The following SFRP2 variants were observed in gnomAD, a reference collection of about 807,000 sequenced individuals.
SFRP2 encodes the protein secreted frizzled-related protein 2.
SFRP2 carries 16 observed loss-of-function variants against 26.0 expected under a neutral mutation model. That is an observed-to-expected ratio of 0.61 (90% CI 0.42 to 0.93). The LOEUF (loss-of-function observed/expected upper bound fraction) is 0.93. Among genes scored for constraint, SFRP2 ranks in the 40% least tolerant of loss-of-function variants. The pLI is 0.00. For missense variants in SFRP2, 343 were observed against 392.4 expected, an observed-to-expected ratio of 0.87 and a Z score of 1.06; for synonymous variants, 173 against 167.3, an observed-to-expected ratio of 1.03 and a Z score of -0.26.
rs1741262656 is a variant in SFRP2 at position 153,788,784 on chromosome 4, A to T, written c.52T>A (p.Cys18Ser). The change falls in exon 1 of 3, where the codon TGC becomes AGC. Residue 18 changes from cysteine (C) to serine (S), a missense_variant. By Grantham distance (112) the Cys-to-Ser change is moderately radical (BLOSUM62 -1). Transcript: ENST00000274063. ...AAGAGCCCGCGCGCCGAGCCCAGGC[A>T]GCAGTGCGAGGCGAGGAAGAGCAGC... Reference protein sequence around the residue: ...LLLLFLASHCCLGSARGLFLF... With the variant: ...LLLLFLASHCSLGSARGLFLF... 2 of 1,608,868 alleles carry T rather than the reference A, an allele frequency of 1.2e-6. No homozygotes were observed. Among genetic ancestry groups the T allele is most frequent in the South Asian group, 1.1e-5 (1 of 91,038 alleles).
chr4:153,781,553 C>G lies in SFRP2; in HGVS notation c.786G>C (p.Gln262His). 1 of 1,614,234 alleles carries G rather than the reference C, an allele frequency of 6.2e-7. No homozygotes were observed. Among genetic ancestry groups the G allele is most frequent in the Non-Finnish European group, 8.5e-7 (1 of 1,180,038 alleles). ...TGATCACCAGCTCCCCACCCTGTTTCTGTCCCATGACCAGATAGGGCGCGT... is the reference window on the plus strand; with the variant it reads ...TGATCACCAGCTCCCCACCCTGTTTGTGTCCCATGACCAGATAGGGCGCGT... The part of the protein sequence containing the change: ...DINAPYLVMG[Q>H]KQGGELVITS... The change falls in exon 3 of 3, where the codon CAG becomes CAC. Residue 262 changes from glutamine to histidine, a missense_variant. Around this residue, in one of 2 missense-constraint regions of SFRP2, gnomAD observed 92 missense variants for 139.0 expected, o/e 0.66. Transcript: ENST00000274063.
In SFRP2 at chr4:153,789,067, T is replaced by A. The variant is rs576360555; in HGVS notation, c.-232A>T. 1.8e-5 allele frequency: 9 copies of A among 497,978 alleles called. No individual in the cohort carries two copies. The East Asian group carries it at 3.1e-4, about 17-fold the overall frequency. The allele number at this position is 497,978 out of a possible 1,614,324, so 30.8% of individuals were successfully genotyped here. On this transcript the variant is annotated 5_prime_UTR_variant, in exon 1 of 3. Coordinates refer to ENST00000274063, the MANE Select transcript of SFRP2 (RefSeq NM_003013.3). ...GGGGCTCCGACCCGGGGGAGCAGAA[T>A]GAGCCGTTGCTGGGGCACAGCCAGA...
At position 153,788,769 on chromosome 4, in the gene SFRP2, G is replaced by A. The variant is rs747851787; in HGVS notation, c.67C>T (p.Arg23Cys). Residue 23 changes from arginine (R) to cysteine (C), a missense_variant, in exon 1 of 3, where the codon CGC becomes TGC. Around this residue, in one of 2 missense-constraint regions of SFRP2, gnomAD observed 251 missense variants for 253.3 expected, o/e 0.99. Coordinates refer to ENST00000274063, the MANE Select transcript of SFRP2 (RefSeq NM_003013.3). Reference protein sequence around the residue: ...LASHCCLGSARGLFLFGQPDF... With the variant: ...LASHCCLGSACGLFLFGQPDF... ...GGCTGGCCAAAGAGGAAGAGCCCGCGCGCCGAGCCCAGGCAGCAGTGCGAG... is the reference window on the plus strand; with the variant it reads ...GGCTGGCCAAAGAGGAAGAGCCCGCACGCCGAGCCCAGGCAGCAGTGCGAG... 1.2e-6 allele frequency: 2 copies of A among 1,611,160 alleles called. No homozygotes were observed. The highest frequency in any genetic ancestry group is 1.7e-6 in the Non-Finnish European group (2 of 1,179,958).
intron 2 of SFRP2, among the ~76,000 whole-genome samples, chr4:153,784,558 C>A (rs543625090): frequency 3.2e-4 from 49 of 152,304 alleles, no homozygotes; most frequent in African/African-American, 8.9e-4. Flanking sequence ...AAACCCAGGA[C>A]ACTTTCTGGA....
rs758949251 is a variant in SFRP2 at position 153,788,417 on chromosome 4, A to G, written c.419T>C (p.Leu140Pro). ...SAFGFPWPDM[L>P]ECDRFPQDND... Reference sequence around the variant, plus strand: ...GTCCTGGGGGAAACGGTCGCACTCAAGCATGTCGGGCCAGGGGAAGCCGAA... The same window carrying G: ...GTCCTGGGGGAAACGGTCGCACTCAGGCATGTCGGGCCAGGGGAAGCCGAA... The change falls in exon 1 of 3, where the codon CTT becomes CCT. Residue 140 changes from leucine to proline, a missense_variant. Transcript: ENST00000274063. 1.9e-6 allele frequency: 3 copies of G among 1,614,118 alleles called. No homozygotes were observed. Among genetic ancestry groups the G allele is most frequent in the Non-Finnish European group, 2.5e-6 (3 of 1,180,044 alleles).
intron 1 of SFRP2, 121 bp downstream of exon 1, chr4:153,788,213 C>T: frequency 2.5e-6 from 3 of 1,219,720 alleles, no homozygotes; most frequent in Non-Finnish European, 3.4e-6. Flanking sequence ...TCAGGCAGAA[C>T]TTCTGCCCTT....
rs369450385 is a variant in SFRP2 at position 153,785,554 on chromosome 4, C to CAAAAAAAAAAAAAA, written c.583+296_583+309dup. Among the ~76,000 whole-genome samples, 4 of 46,468 alleles carry CAAAAAAAAAAAAAA rather than the reference C, an allele frequency of 8.6e-5. 1 individual carries two copies. The highest frequency in any genetic ancestry group is 1.2e-4 in the Non-Finnish European group (3 of 25,868). The allele number at this position is 46,468 out of a possible 152,430, so 30.5% of individuals were successfully genotyped here. A position where few individuals can be genotyped will look rare whatever the true frequency, so the allele number is the denominator to read the frequency against. The stretch of plus-strand genomic sequence containing the variant: ...TAGAACTCGGGATTATGCCTGTCGG[C>CAAAAAAAAAAAAAA]AAAAAAAAAAAAAAAAAAAAAGGGA... On this transcript the variant is annotated intron_variant, in intron 2 of 2. Transcript: ENST00000274063.
At chr4:153,787,970 C>T (rs1463506533) in intron 1 of SFRP2, among the ~76,000 whole-genome samples, 12 of 152,256 alleles carry the variant, frequency 7.9e-5, no homozygotes, top group Admixed American at 1.3e-4. Flanking sequence ...CCACTTCCAA[C>T]GCTCTGCGCA....
intron 2 of SFRP2, among the ~76,000 whole-genome samples, chr4:153,785,278 T>A (rs1384181843): frequency 6.6e-6 from 1 of 152,134 alleles, no homozygotes; most frequent in African/African-American, 2.4e-5. Flanking sequence ...TTGTTAGGTG[T>A]TCCATGTTAG....
At position 153,781,514 on chromosome 4, in the gene SFRP2, C is replaced by T; in HGVS notation, c.825G>A (p.Arg275=). The T allele has an allele frequency of 6.2e-7, 1 of 1,614,172 alleles. No individual in the cohort carries two copies. Among genetic ancestry groups the T allele is most frequent in the Non-Finnish European group, 8.5e-7 (1 of 1,180,046 alleles). Residue 275 remains arginine, a synonymous_variant, in exon 3 of 3, where the codon CGG becomes CGA. Coordinates refer to ENST00000274063, the MANE Select transcript of SFRP2 (RefSeq NM_003013.3). ...TGAACTCTCTCTGCCCCTTCTGCCACCGCTTCACCGAGGTGATCACCAGCT... is the reference window on the plus strand; with the variant it reads ...TGAACTCTCTCTGCCCCTTCTGCCATCGCTTCACCGAGGTGATCACCAGCT... ...GGELVITSVK[R]WQKGQREFKR... is the part of the protein sequence containing the mutation.
At position 153,781,320 on chromosome 4, in the gene SFRP2, C is replaced by T; in HGVS notation, c.*131G>A. ...GCTGGGGATGCAAACGTGCAAAAGGCAGGGGGAAGCTGCCCAGGCTGAGAC... is the reference window on the plus strand; with the variant it reads ...GCTGGGGATGCAAACGTGCAAAAGGTAGGGGGAAGCTGCCCAGGCTGAGAC... On this transcript the variant is annotated 3_prime_UTR_variant, in exon 3 of 3. Transcript: ENST00000274063. 2.6e-6 allele frequency: 2 copies of T among 775,506 alleles called. No homozygotes were observed. Among genetic ancestry groups the T allele is most frequent in the Non-Finnish European group, 4.1e-6 (2 of 484,434 alleles). The allele number at this position is 775,506 out of a possible 1,614,324, so 48.0% of individuals were successfully genotyped here.
At chr4:153,787,055 T>C (rs1442098653) in intron 1 of SFRP2, among the ~76,000 whole-genome samples, 1 of 152,196 alleles carries the variant, frequency 6.6e-6, no homozygotes, top group Non-Finnish European at 1.5e-5. Context: ...ACATAAACTT[T>C]TATTTTGAAG....
In SFRP2 at chr4:153,781,408, C is replaced by A; in HGVS notation, c.*43G>T. Reference sequence around the variant, plus strand: ...AGATCCCGGAGCAGAAATGGTCAGCCGTGCTCTGGAGCAGGCCTGTCGGAG... The same window carrying A: ...AGATCCCGGAGCAGAAATGGTCAGCAGTGCTCTGGAGCAGGCCTGTCGGAG... On this transcript the variant is annotated 3_prime_UTR_variant, in exon 3 of 3. Coordinates refer to ENST00000274063, the MANE Select transcript of SFRP2 (RefSeq NM_003013.3). 2 of 1,560,820 alleles carry A rather than the reference C, an allele frequency of 1.3e-6. No homozygotes were observed. Among genetic ancestry groups the A allele is most frequent in the Middle Eastern group, 1.9e-4 (1 of 5,186 alleles).
chr4:153,788,464 G>T lies in SFRP2; in HGVS notation c.372C>A (p.Arg124=), dbSNP rs199574740. ...CGAAGGCGGACATGACCGGGGCGCA[G>T]CGGTCCTTCACCTGCACGCAGAGCG... The part of the protein sequence containing the change: ...CHSLCVQVKD[R]CAPVMSAFGF... Residue 124 remains arginine, a synonymous_variant, in exon 1 of 3, where the codon CGC becomes CGA. Coordinates refer to ENST00000274063, the MANE Select transcript of SFRP2 (RefSeq NM_003013.3). The T allele has an allele frequency of 2.4e-4, 390 of 1,614,110 alleles. No homozygotes were observed. Among genetic ancestry groups the T allele is most frequent in the Non-Finnish European group, 3.0e-4 (350 of 1,180,052 alleles).
Position 153,781,313 on chromosome 4 carries a change from C to T in SFRP2, c.*138G>A, listed in dbSNP as rs988648058. ...AGGAAATGCTGGGGATGCAAACGTGCAAAAGGCAGGGGGAAGCTGCCCAGG... is the reference window on the plus strand; with the variant it reads ...AGGAAATGCTGGGGATGCAAACGTGTAAAAGGCAGGGGGAAGCTGCCCAGG... On this transcript the variant is annotated 3_prime_UTR_variant, in exon 3 of 3. Coordinates refer to ENST00000274063, the MANE Select transcript of SFRP2 (RefSeq NM_003013.3). 3 of 735,478 alleles carry T rather than the reference C, an allele frequency of 4.1e-6. No homozygotes were observed. Among genetic ancestry groups the T allele is most frequent in the East Asian group, 5.3e-5 (2 of 37,450 alleles). 45.6% of individuals were successfully genotyped at this position (735,478 alleles called of 1,614,324 possible). A position where few individuals can be genotyped will look rare whatever the true frequency, so the allele number is the denominator to read the frequency against.
rs376028620 is a variant in SFRP2 at position 153,781,408 on chromosome 4, C to T, written c.*43G>A. 18 of 1,560,818 alleles carry T rather than the reference C, an allele frequency of 1.2e-5. No individual in the cohort carries two copies. Among genetic ancestry groups the T allele is most frequent in the Non-Finnish European group, 1.6e-5 (18 of 1,147,194 alleles). ...AGATCCCGGAGCAGAAATGGTCAGC[C>T]GTGCTCTGGAGCAGGCCTGTCGGAG... On this transcript the variant is annotated 3_prime_UTR_variant, in exon 3 of 3. Coordinates refer to ENST00000274063, the MANE Select transcript of SFRP2 (RefSeq NM_003013.3).
At chr4:153,781,897 G>C in intron 2 of SFRP2, 142 bp from the exon 3 acceptor site, 1 of 719,396 alleles carries the variant, frequency 1.4e-6, no homozygotes, top group East Asian at 2.6e-5. Flanking sequence ...AGAGGCTGCA[G>C]ATCGGGGGTT....
In SFRP2 at chr4:153,789,019, T is replaced by G; in HGVS notation, c.-184A>C. 6.9e-5 allele frequency: 37 copies of G among 538,188 alleles called. No individual in the cohort carries two copies. Among genetic ancestry groups the G allele is most frequent in the Non-Finnish European group, 5.6e-5 (19 of 339,318 alleles). 33.3% of individuals were successfully genotyped at this position (538,188 alleles called of 1,614,324 possible). ...CGGGAGGACAGCGCGGGCGAGGCGC[T>G]GCAAGCCCGCGCGCAGCTCCGGGGG... On this transcript the variant is annotated 5_prime_UTR_variant, in exon 1 of 3. Coordinates refer to ENST00000274063, the MANE Select transcript of SFRP2 (RefSeq NM_003013.3).
chr4:153,787,714 G>A (rs1560811708), intron 1 of SFRP2, among the ~76,000 whole-genome samples: 1 of 152,216 alleles, frequency 6.6e-6, no homozygotes, highest in Non-Finnish European at 1.5e-5. Flanking sequence ...TCAAGTATCT[G>A]AGCAGTTACA....
Sources: allele counts gnomAD v4.1 joint callset (sites outside exome capture counted in the v4.1 genomes callset), GRCh38; gene constraint gnomAD v4.1.1; regional missense constraint gnomAD v4.1.1; transcripts MANE v1.5; gene names NCBI Gene and HGNC (gene_info 2026-07-23, HGNC 2026-07-21).